SLC2A13: variants seen among roughly 807,000 people sequenced by gnomAD.
SLC2A13 encodes the protein proton myo-inositol cotransporter.
Under a neutral mutation model 64.4 loss-of-function variants are expected in SLC2A13, and 32 were observed. The observed-to-expected ratio is 0.50, with a 90% CI of 0.37 to 0.67. The LOEUF is 0.67. Ranked by LOEUF, SLC2A13 falls within the 30% of genes least tolerant of loss-of-function variation. The pLI, the probability that SLC2A13 is intolerant of heterozygous loss-of-function variation, is 0.00. For missense variants in SLC2A13, 743 were observed against 829.2 expected (o/e 0.90, Z 1.28); for synonymous variants, 338 against 327.1 (o/e 1.03, Z -0.36).
intron 6 of SLC2A13, among the ~76,000 whole-genome samples, chr12:39,838,459 T>C (rs1482115721): frequency 1.4e-5 from 2 of 144,270 alleles, no homozygotes; most frequent in Non-Finnish European, 3.0e-5. Context: ...ACCTGCACAA[T>C]GTGCACATGT....
chr12:40,077,824 C>T (rs1045101500), intron 1 of SLC2A13, among the ~76,000 whole-genome samples: 1 of 152,110 alleles, frequency 6.6e-6, no homozygotes, highest in Non-Finnish European at 1.5e-5. Flanking sequence ...TCTTCAACTT[C>T]CTTTAGCAGT....
chr12:39,989,463 A>G (rs752836084), intron 3 of SLC2A13, among the ~76,000 whole-genome samples: 21 of 152,208 alleles, frequency 1.4e-4, no homozygotes, highest in Non-Finnish European at 2.5e-4. Flanking sequence ...ACTTTAAGGC[A>G]GGCTTCCTTT....
chr12:39,971,997 A>AAAAATATATAT (rs1375405006), intron 3 of SLC2A13, among the ~76,000 whole-genome samples: 4 of 77,380 alleles, frequency 5.2e-5, no homozygotes, highest in East Asian at 3.2e-4. Context: ...AAAAAAAAAA[A>AAAAATATATAT]ATATATATAT....
chr12:39,916,761 T>C (rs1250652915), intron 4 of SLC2A13, among the ~76,000 whole-genome samples: 1 of 152,092 alleles, frequency 6.6e-6, no homozygotes, highest in Non-Finnish European at 1.5e-5. Flanking sequence ...AAGTAATTAG[T>C]AAACTTAGTA....
chr12:40,067,861 C>T (rs774469213), intron 1 of SLC2A13, among the ~76,000 whole-genome samples: 1 of 152,154 alleles, frequency 6.6e-6, no homozygotes, highest in Non-Finnish European at 1.5e-5. Flanking sequence ...TTCTTCTTCA[C>T]TGTTTAATCC....
At chr12:39,827,041 C>T (rs1942709703) in intron 7 of SLC2A13, among the ~76,000 whole-genome samples, 1 of 150,424 alleles carries the variant, frequency 6.6e-6, no homozygotes, top group Admixed American at 6.6e-5. Flanking sequence ...AACTTTTGCA[C>T]CAGCCTGATA....
intron 4 of SLC2A13, among the ~76,000 whole-genome samples, chr12:39,897,881 AT>A (rs1277357893): frequency 2.0e-5 from 3 of 152,084 alleles, no homozygotes; most frequent in African/African-American, 4.8e-5. Context: ...ATACATAAAA[AT>A]ACAATATATA....
intron 2 of SLC2A13, among the ~76,000 whole-genome samples, chr12:40,038,298 T>G (rs568485559): frequency 6.6e-6 from 1 of 152,364 alleles, no homozygotes; most frequent in East Asian, 1.9e-4. Flanking sequence ...TGCAGCTTTT[T>G]CTGGCTATCT....
intron 4 of SLC2A13, among the ~76,000 whole-genome samples, chr12:39,929,291 A>G (rs372736146): frequency 2.0e-5 from 3 of 152,034 alleles, no homozygotes; most frequent in South Asian, 4.1e-4. Flanking sequence ...AGTGGCTAAC[A>G]CCCATAATCC....
At chr12:39,786,798 C>G (rs1376014454) in intron 7 of SLC2A13, among the ~76,000 whole-genome samples, 10 of 152,196 alleles carry the variant, frequency 6.6e-5, no homozygotes, top group African/African-American at 2.4e-4. Flanking sequence ...AATCCCCTCT[C>G]TCCTGTAACA....
At chr12:40,092,355 G>A (rs968966538) in intron 1 of SLC2A13, among the ~76,000 whole-genome samples, 1 of 152,140 alleles carries the variant, frequency 6.6e-6, no homozygotes, top group African/African-American at 2.4e-5. Context: ...ACTGGTGAGA[G>A]TGCCACTCCA....
At chr12:40,104,277 C>T (rs779904969) in intron 1 of SLC2A13, among the ~76,000 whole-genome samples, 2 of 152,190 alleles carry the variant, frequency 1.3e-5, no homozygotes, top group Non-Finnish European at 2.9e-5. Flanking sequence ...AGATTTAAGT[C>T]ACAGCCCCCC....
intron 4 of SLC2A13, among the ~76,000 whole-genome samples, chr12:39,895,639 T>C (rs1005046987): frequency 2.0e-5 from 3 of 147,390 alleles, no homozygotes; most frequent in African/African-American, 7.6e-5. Flanking sequence ...CATATGTATA[T>C]GCGTGTATAC....
At chr12:40,066,099 G>A (rs1372048407) in intron 1 of SLC2A13, among the ~76,000 whole-genome samples, 3 of 152,132 alleles carry the variant, frequency 2.0e-5, no homozygotes, top group Non-Finnish European at 4.4e-5. Context: ...CATCCTAATC[G>A]AAGTAACTAA....
intron 4 of SLC2A13, among the ~76,000 whole-genome samples, chr12:39,873,641 G>A (rs939535983): frequency 6.6e-5 from 10 of 151,888 alleles, no homozygotes; most frequent in East Asian, 3.9e-4. Context: ...ATAGAGGCAG[G>A]GGAAAATTAA....
chr12:40,059,396 C>A lies in SLC2A13; in HGVS notation c.557-11186G>T, dbSNP rs143558444. ...ACAGATACACATTGAGTATGGAAAA[C>A]CTTAAACTATTTTTCCTCTGCTCTC... On this transcript the variant is annotated intron_variant, in intron 1 of 9. Coordinates refer to ENST00000280871, the MANE Select transcript of SLC2A13 (RefSeq NM_052885.4). Among the ~76,000 whole-genome samples the A allele has an allele frequency of 1.3e-4, 20 of 152,178 alleles. No homozygotes were observed. The East Asian group carries it at 3.9e-3, about 29-fold the overall frequency.
intron 6 of SLC2A13, among the ~76,000 whole-genome samples, chr12:39,841,501 A>G (rs1323899511): frequency 6.6e-6 from 1 of 152,120 alleles, no homozygotes; most frequent in Non-Finnish European, 1.5e-5. Flanking sequence ...CAACATAGTT[A>G]AAAACCTCAA....
intron 3 of SLC2A13, among the ~76,000 whole-genome samples, chr12:39,954,368 A>AC (rs36095826): frequency 0.77 from 116,307 of 151,914 alleles, 45,767 homozygotes; most frequent in Non-Finnish European, 0.86. Flanking sequence ...GAGGAGGAGA[A>AC]TCTGGAGATC....
intron 1 of SLC2A13, among the ~76,000 whole-genome samples, chr12:40,068,813 T>C (rs1355254998): frequency 3.3e-5 from 5 of 151,126 alleles, no homozygotes; most frequent in Non-Finnish European, 7.4e-5. Context: ...ACTAATTAAC[T>C]TAATATGAGA....
Sources: gnomAD v4.1 joint callset for allele counts (sites outside exome capture counted in the v4.1 genomes callset) on GRCh38, gnomAD v4.1.1 for gene constraint, MANE v1.5 for transcripts, NCBI Gene and HGNC (gene_info 2026-07-23, HGNC 2026-07-21) for gene names.